The following R3HDM1 variants were observed in gnomAD, a reference collection of about 807,000 sequenced individuals.
R3HDM1 encodes R3H domain-containing protein 1.
In R3HDM1, 46 loss-of-function variants were observed where a neutral mutation model predicts 141.1. The ratio of observed to expected loss-of-function variants is 0.33; its 90% CI spans 0.26 to 0.42. The LOEUF (loss-of-function observed/expected upper bound fraction) is 0.42, where lower values mean the gene tolerates loss of function less well. R3HDM1 is among the 10% of genes least tolerant of loss of function. The pLI is 1.00. For missense variants in R3HDM1, 1,184 were observed against 1,368.3 expected (o/e 0.87, Z 2.12); for synonymous variants, 435 against 472.9 (o/e 0.92, Z 1.04).
rs1200110149 is a variant in R3HDM1 at position 135,631,772 on chromosome 2, T to A, written c.552T>A (p.Asn184Lys). 1 of 1,571,710 alleles carries A rather than the reference T, an allele frequency of 6.4e-7. No individual in the cohort carries two copies. The highest frequency in any genetic ancestry group is 1.2e-5 in the South Asian group (1 of 83,326). The change falls in exon 8 of 27, where the codon AAT becomes AAA. Residue 184 changes from asparagine to lysine, a missense_variant. Asn to Lys is a moderately conservative substitution (Grantham distance 94). Coordinates refer to ENST00000683871, the MANE Select transcript of R3HDM1 (RefSeq NM_001378107.1). ...AAGAAATTTTAGATTTCATTGGTAA[T>A]AATGAGTAAGTCCTGACATTCAACA... ...LEQEILDFIGNNESPRKKFPP... is the reference protein window; with the variant it reads ...LEQEILDFIGKNESPRKKFPP...
At chr2:135,579,424 G>T (rs1706241390) in intron 1 of R3HDM1, among the ~76,000 whole-genome samples, 1 of 152,120 alleles carries the variant, frequency 6.6e-6, no homozygotes, top group African/African-American at 2.4e-5. Context: ...TGAAAAGAGA[G>T]AAATAAAAAC....
At chr2:135,717,344 C>G (rs1431240863) in intron 24 of R3HDM1, among the ~76,000 whole-genome samples, 1 of 152,024 alleles carries the variant, frequency 6.6e-6, no homozygotes, top group African/African-American at 2.4e-5. Flanking sequence ...ATTAGCCGGG[C>G]ACAGTGGCAC....
At chr2:135,554,099 A>G (rs933923611) in intron 1 of R3HDM1, among the ~76,000 whole-genome samples, 1 of 152,232 alleles carries the variant, frequency 6.6e-6, no homozygotes, top group Non-Finnish European at 1.5e-5. Flanking sequence ...AAGTTATGCA[A>G]CTATCACCAT....
chr2:135,593,620 G>T (rs957369303), intron 1 of R3HDM1, among the ~76,000 whole-genome samples: 7 of 152,140 alleles, frequency 4.6e-5, no homozygotes, highest in African/African-American at 1.7e-4. Context: ...TGTTTGCCAC[G>T]AATTAGCTCA....
intron 1 of R3HDM1, among the ~76,000 whole-genome samples, chr2:135,572,237 G>A (rs547075791): frequency 9.9e-5 from 15 of 152,188 alleles, no homozygotes; most frequent in Non-Finnish European, 2.1e-4. Context: ...TTACAGGCAT[G>A]AGCCACTGCA....
chr2:135,539,384 G>A (rs1025676598), intron 1 of R3HDM1, among the ~76,000 whole-genome samples: 4 of 152,162 alleles, frequency 2.6e-5, no homozygotes, highest in African/African-American at 4.8e-5. Context: ...GTAATGTGTT[G>A]TGTTATGAAG....
chr2:135,653,761 C>T (rs2065425340), intron 18 of R3HDM1, among the ~76,000 whole-genome samples: 1 of 152,116 alleles, frequency 6.6e-6, no homozygotes, highest in Non-Finnish European at 1.5e-5. Context: ...AACCCCATCT[C>T]TAATAAAAAT....
chr2:135,579,726 A>T (rs557508696), intron 1 of R3HDM1, among the ~76,000 whole-genome samples: 12 of 152,192 alleles, frequency 7.9e-5, no homozygotes, highest in African/African-American at 2.6e-4. Context: ...CGGTATCCCT[A>T]CCAAAAATGC....
At chr2:135,652,380 C>T (rs965964637) in intron 18 of R3HDM1, among the ~76,000 whole-genome samples, 8 of 152,158 alleles carry the variant, frequency 5.3e-5, no homozygotes, top group Admixed American at 1.3e-4. Flanking sequence ...GTAATCCCAG[C>T]ACTTTGTGAG....
chr2:135,668,278 A>G (rs887451575), intron 19 of R3HDM1, among the ~76,000 whole-genome samples: 2 of 152,158 alleles, frequency 1.3e-5, no homozygotes, highest in Admixed American at 1.3e-4. Context: ...CCTGTTGAGT[A>G]CTTTTCTGCT....
Position 135,590,755 on chromosome 2 carries a change from A to G in R3HDM1, c.-249-11745A>G, listed in dbSNP as rs539446238. ...ACCTTCAAGCTGTAAAATTGTTTGC[A>G]CTTTGTTGTACACATCCTTTTATAG... On this transcript the variant is annotated intron_variant, in intron 1 of 26. Transcript: ENST00000683871. 1.1e-4 allele frequency: 110 copies of G among 979,638 alleles called. No individual in the cohort carries two copies. In the East Asian group the frequency reaches 0.012, roughly 106 times the overall value. The allele number at this position is 979,638 out of a possible 1,614,324, so 60.7% of individuals were successfully genotyped here.
intron 1 of R3HDM1, among the ~76,000 whole-genome samples, chr2:135,560,167 T>C (rs1226309169): frequency 6.6e-6 from 1 of 152,202 alleles, no homozygotes; most frequent in Non-Finnish European, 1.5e-5. Flanking sequence ...ATGTTTAAAA[T>C]TTCAAGTTCT....
At chr2:135,658,206 G>A (rs924811971) in intron 18 of R3HDM1, among the ~76,000 whole-genome samples, 7 of 151,976 alleles carry the variant, frequency 4.6e-5, no homozygotes, top group African/African-American at 9.7e-5. Flanking sequence ...TCGCTCTGCC[G>A]CCAGGCTGGA....
At chr2:135,561,064 G>T (rs1384244284) in intron 1 of R3HDM1, among the ~76,000 whole-genome samples, 24 of 152,152 alleles carry the variant, frequency 1.6e-4, no homozygotes, top group Admixed American at 1.6e-3. Context: ...AAGTCTTTCT[G>T]TTAATCCAGT....
intron 15 of R3HDM1, among the ~76,000 whole-genome samples, chr2:135,644,276 G>A (rs1246378167): frequency 6.6e-5 from 10 of 152,232 alleles, no homozygotes; most frequent in African/African-American, 1.9e-4. Context: ...ACCAAGGCGG[G>A]TGGATCACGT....
intron 7 of R3HDM1, among the ~76,000 whole-genome samples, chr2:135,626,306 G>C (rs1221050396): frequency 6.6e-6 from 1 of 152,058 alleles, no homozygotes; most frequent in Non-Finnish European, 1.5e-5. Flanking sequence ...GTTGATTGTT[G>C]TTGTGTTGGT....
chr2:135,624,295 T>C (rs1290577193), intron 7 of R3HDM1, among the ~76,000 whole-genome samples: 1 of 149,250 alleles, frequency 6.7e-6, no homozygotes, highest in Non-Finnish European at 1.5e-5. Context: ...CGTGGGAGGC[T>C]GAGGCAGGGG....
In R3HDM1 at chr2:135,636,784, C is replaced by G. The variant is rs1559308683; in HGVS notation, c.903+601C>G. On this transcript the variant is annotated intron_variant, in intron 11 of 26. Coordinates refer to ENST00000683871, the MANE Select transcript of R3HDM1 (RefSeq NM_001378107.1). ...AATCAGCTACAGATAGAAATTTCCT[C>G]TGTGTTAAAAAAAAAAAAAAAAGAA... Among the ~76,000 whole-genome samples the G allele has an allele frequency of 2.7e-5, 4 of 147,180 alleles. No homozygotes were observed. The South Asian group carries it at 8.5e-4, about 31-fold the overall frequency.
At chr2:135,556,860 G>GAA (rs374882842) in intron 1 of R3HDM1, among the ~76,000 whole-genome samples, 5 of 147,862 alleles carry the variant, frequency 3.4e-5, no homozygotes, top group African/African-American at 1.2e-4. Context: ...AATTCATATA[G>GAA]AAAAAAAAAA....
Sources: gnomAD v4.1 joint callset for allele counts (sites outside exome capture counted in the v4.1 genomes callset) on GRCh38, gnomAD v4.1.1 for gene constraint, MANE v1.5 for transcripts, NCBI Gene and HGNC (gene_info 2026-07-23, HGNC 2026-07-21) for gene names.